Variants in UBE2Q2 observed in about 807,000 individuals in gnomAD.
The protein encoded by UBE2Q2 is ubiquitin-conjugating enzyme E2 Q2.
Under a neutral mutation model 59.9 loss-of-function variants are expected in UBE2Q2, and 54 were observed. That is an observed-to-expected ratio of 0.90 (90% CI 0.72 to 1.13). UBE2Q2 has a LOEUF of 1.13. Among genes scored for constraint, UBE2Q2 ranks in the 50% most tolerant of loss-of-function variants. The pLI, the probability that UBE2Q2 is intolerant of heterozygous loss-of-function variation, is 0.00. For synonymous variants in UBE2Q2, 165 were observed against 155.2 expected (o/e 1.06, Z -0.47); for missense variants, 433 against 441.9 (o/e 0.98, Z 0.18).
intron 5 of UBE2Q2, 97 bp from the exon 6 acceptor site, chr15:75,876,090 G>A: frequency 2.1e-6 from 2 of 958,584 alleles, no homozygotes; most frequent in East Asian, 5.4e-5. Flanking sequence ...AAAATGTTGA[G>A]TGGTGATCCA....
At chr15:75,884,601 A>C (rs1015027394) in intron 9 of UBE2Q2, among the ~76,000 whole-genome samples, 2 of 152,318 alleles carry the variant, frequency 1.3e-5, no homozygotes, top group Middle Eastern at 6.8e-3. Flanking sequence ...TTCGTATTAC[A>C]TATGGATATG....
At chr15:75,844,633 T>G in intron 1 of UBE2Q2, 1 of 840,480 alleles carries the variant, frequency 1.2e-6, no homozygotes, top group Non-Finnish European at 1.8e-6. Context: ...ACTCACTCAT[T>G]AAGCGGAAAT....
At chr15:75,899,256 C>G (rs1257983223) in intron 12 of UBE2Q2, among the ~76,000 whole-genome samples, 171 bp from the exon 13 acceptor site, 1 of 150,292 alleles carries the variant, frequency 6.7e-6, no homozygotes, top group African/African-American at 2.4e-5. Context: ...GCCTAGGTAA[C>G]AGAGTGAAAC....
At chr15:75,891,532 TAAA>T (rs1462531321) in intron 11 of UBE2Q2, among the ~76,000 whole-genome samples, 7 of 152,028 alleles carry the variant, frequency 4.6e-5, no homozygotes, top group Admixed American at 2.0e-4. Context: ...CTTAATAACT[TAAA>T]AAATAGGTGC....
intron 5 of UBE2Q2, among the ~76,000 whole-genome samples, chr15:75,875,626 T>C (rs1228707617): frequency 1.3e-5 from 2 of 152,208 alleles, no homozygotes; most frequent in Admixed American, 1.3e-4. Context: ...TTCTTTGTTA[T>C]TGTGGAATCC....
intron 12 of UBE2Q2, 123 bp from the exon 13 acceptor site, chr15:75,899,304 T>C: frequency 6.2e-6 from 2 of 320,198 alleles, no homozygotes; most frequent in Non-Finnish European, 1.1e-5. Context: ...TATATATATA[T>C]TTTTTACGGT....
At chr15:75,897,414 T>C (rs540618957) in intron 12 of UBE2Q2, among the ~76,000 whole-genome samples, 61 of 151,700 alleles carry the variant, frequency 4.0e-4, no homozygotes, top group African/African-American at 1.3e-3. Context: ...AGAGACCGGG[T>C]TTCCCTGTGT....
intron 11 of UBE2Q2, among the ~76,000 whole-genome samples, chr15:75,893,718 C>T (rs1899237318): frequency 6.6e-6 from 1 of 151,882 alleles, no homozygotes; most frequent in African/African-American, 2.4e-5. Context: ...ACCATACATA[C>T]CATATAATTT....
At position 75,868,955 on chromosome 15, in the gene UBE2Q2, G is replaced by T; in HGVS notation, c.392G>T (p.Gly131Val). The T allele has an allele frequency of 6.2e-7, 1 of 1,612,596 alleles. No homozygotes were observed. Among genetic ancestry groups the T allele is most frequent in the Non-Finnish European group, 8.5e-7 (1 of 1,179,084 alleles). Residue 131 changes from glycine to valine, a missense_variant, in exon 4 of 13, where the codon GGG (glycine) becomes GTG (valine). Transcript: ENST00000267938. ...CAGATTCTTTCTCTGTTTCAGAATGGGACAACAGAAGAAGTGACTTCAGAA... is the reference window on the plus strand; with the variant it reads ...CAGATTCTTTCTCTGTTTCAGAATGTGACAACAGAAGAAGTGACTTCAGAA... The part of the protein sequence containing the change: ...LDQPLPTGQN[G>V]TTEEVTSEEE...
chr15:75,891,154 T>A (rs377218054), intron 11 of UBE2Q2, 140 bp downstream of exon 11: 2 of 625,002 alleles, frequency 3.2e-6, no homozygotes, highest in South Asian at 2.7e-5. Flanking sequence ...ACAAAAGTGA[T>A]CTATAGAAAA....
chr15:75,864,251 TC>T (rs1897338466), intron 3 of UBE2Q2, among the ~76,000 whole-genome samples: 1 of 152,134 alleles, frequency 6.6e-6, no homozygotes, highest in African/African-American at 2.4e-5. Context: ...ACATCTTTTT[TC>T]CTAAGATCTA....
chr15:75,893,817 A>G (rs763011075), intron 11 of UBE2Q2, among the ~76,000 whole-genome samples: 6 of 152,258 alleles, frequency 3.9e-5, no homozygotes, highest in African/African-American at 1.4e-4. Context: ...CTTGTAAATC[A>G]TAGTTTTAAA....
At position 75,843,551 on chromosome 15, in the gene UBE2Q2, G is replaced by GGT; in HGVS notation, c.-116_-115insGT. 1 of 669,660 alleles carries GGT rather than the reference G, an allele frequency of 1.5e-6. No individual in the cohort carries two copies. The highest frequency in any genetic ancestry group is 2.1e-6 in the Non-Finnish European group (1 of 484,928). The allele number at this position is 669,660 out of a possible 1,614,324, so 41.5% of individuals were successfully genotyped here. On this transcript the variant is annotated 5_prime_UTR_variant, in exon 1 of 13. Coordinates refer to ENST00000267938, the MANE Select transcript of UBE2Q2 (RefSeq NM_173469.4). ...CGCTCGACGAGGCGGAGCCGCGAGA[G>GGT]CGCGGCCCAGGCCGGCCCCGCGGGG... is the stretch of plus-strand genomic sequence containing the variant.
chr15:75,869,096 T>C, intron 4 of UBE2Q2, 86 bp downstream of exon 4: 4 of 1,117,338 alleles, frequency 3.6e-6, no homozygotes, highest in Non-Finnish European at 5.2e-6. Flanking sequence ...TATAGACTAC[T>C]ATTAATGTGG....
Position 75,843,817 on chromosome 15 carries a change from C to T in UBE2Q2, c.151C>T (p.Pro51Ser), listed in dbSNP as rs1896155210. The T allele has an allele frequency of 1.2e-6, 2 of 1,601,016 alleles. No individual in the cohort carries two copies. The highest frequency in any genetic ancestry group is 1.3e-5 in the African/African-American group (1 of 74,104). The change falls in exon 1 of 13, where the codon CCG becomes TCG. Residue 51 changes from proline to serine, a missense_variant. Coordinates refer to ENST00000267938, the MANE Select transcript of UBE2Q2 (RefSeq NM_173469.4). ...PQQGSPHSLP[P>S]PLTLHCNITE... ...GCAGGGCAGCCCGCACTCGCTGCCG[C>T]CGCCACTCACGCTCCACTGCAACAT... is the stretch of plus-strand genomic sequence containing the variant.
intron 9 of UBE2Q2, among the ~76,000 whole-genome samples, chr15:75,889,971 G>T (rs1450405541): frequency 6.6e-6 from 1 of 152,060 alleles, no homozygotes; most frequent in African/African-American, 2.4e-5. Context: ...CAACAGAATG[G>T]GTAAAAACAA....
intron 9 of UBE2Q2, among the ~76,000 whole-genome samples, chr15:75,886,232 G>T (rs1327384394): frequency 1.3e-5 from 2 of 151,866 alleles, no homozygotes; most frequent in Non-Finnish European, 2.9e-5. Flanking sequence ...CCATTCTCCT[G>T]CCTCAGCCTC....
At chr15:75,876,050 G>A in intron 5 of UBE2Q2, 137 bp from the exon 6 acceptor site, 1 of 769,678 alleles carries the variant, frequency 1.3e-6, no homozygotes, top group Admixed American at 2.6e-5. Context: ...GGGTAACAGG[G>A]CTAGACTCCA....
chr15:75,892,974 C>G (rs1899187597), intron 11 of UBE2Q2, among the ~76,000 whole-genome samples: 1 of 152,114 alleles, frequency 6.6e-6, no homozygotes, highest in African/African-American at 2.4e-5. Flanking sequence ...GAATGTTACA[C>G]AGAGAGACAT....
Sources: allele counts gnomAD v4.1 joint callset (sites outside exome capture counted in the v4.1 genomes callset), GRCh38; gene constraint gnomAD v4.1.1; transcripts MANE v1.5; gene names NCBI Gene and HGNC (gene_info 2026-07-23, HGNC 2026-07-21).